The following ERAP1 variants were observed in gnomAD, a reference collection of about 807,000 sequenced individuals.
The protein encoded by ERAP1 is adipocyte-derived leucine aminopeptidase.
Under a neutral mutation model 103.7 loss-of-function variants are expected in ERAP1, and 86 were observed. The observed-to-expected ratio is 0.83, with a 90% CI of 0.70 to 0.99. The LOEUF is 0.99. Among genes scored for constraint, ERAP1 ranks in the 50% least tolerant of loss-of-function variants. ERAP1 has a pLI of 0.00. For synonymous variants in ERAP1, 398 were observed against 402.4 expected (o/e 0.99, Z 0.13); for missense variants, 1,009 against 1,128.4 (o/e 0.89, Z 1.52).
the ERAP1 span, among the ~76,000 whole-genome samples, chr5:96,837,559 T>A: frequency 2.0e-5 from 3 of 152,114 alleles, no homozygotes; most frequent in Non-Finnish European, 1.5e-5. Context: ...GCGAGTGCCT[T>A]TGGGCGCCAC....
intron 10 of ERAP1, 81 bp from the exon 11 acceptor site, chr5:96,788,766 A>G (rs974887115): frequency 1.9e-5 from 29 of 1,544,686 alleles, no homozygotes; most frequent in South Asian, 1.6e-4. Flanking sequence ...TTATGCTCAA[A>G]CAGCCGCTAC....
At chr5:96,790,184 A>G (rs1776563535) in intron 10 of ERAP1, 112 bp downstream of exon 10, 1 of 883,066 alleles carries the variant, frequency 1.1e-6, no homozygotes, top group Non-Finnish European at 1.9e-6. Flanking sequence ...TCTTATCTGG[A>G]ATGAGGGTGA....
chr5:96,901,042 G>A, the ERAP1 span, among the ~76,000 whole-genome samples: 1 of 152,114 alleles, frequency 6.6e-6, no homozygotes, highest in African/African-American at 2.4e-5. Context: ...GCAGCCAGAG[G>A]TTTTGTTCTC....
chr5:96,784,383 G>A (rs1775694737), intron 13 of ERAP1, among the ~76,000 whole-genome samples: 1 of 152,162 alleles, frequency 6.6e-6, no homozygotes, highest in Non-Finnish European at 1.5e-5. Context: ...GTATGTGGGA[G>A]GCTGAGGCCG....
intron 19 of ERAP1, among the ~76,000 whole-genome samples, chr5:96,766,633 C>T (rs1404834161): frequency 6.6e-6 from 1 of 152,206 alleles, no homozygotes; most frequent in African/African-American, 2.4e-5. Flanking sequence ...TTCCCAATCA[C>T]AAATCCTGTT....
the ERAP1 span, chr5:96,901,584 G>C: frequency 2.5e-6 from 4 of 1,614,114 alleles, no homozygotes; most frequent in Non-Finnish European, 3.4e-6. Context: ...CCCCCTGCTG[G>C]TGGTTAAACA....
the ERAP1 span, among the ~76,000 whole-genome samples, chr5:96,851,733 G>C: frequency 1.3e-5 from 2 of 152,136 alleles, no homozygotes; most frequent in African/African-American, 2.4e-5. Flanking sequence ...TCTATGACAG[G>C]CTATTCCTAT....
At chr5:96,840,712 CTT>C in the ERAP1 span, among the ~76,000 whole-genome samples, 33 of 140,672 alleles carry the variant, frequency 2.3e-4, no homozygotes, top group South Asian at 2.3e-4. Flanking sequence ...TTCTTTTTTT[CTT>C]TTTTTTTTTT....
At chr5:96,933,918 G>A in the ERAP1 span, among the ~76,000 whole-genome samples, 2 of 152,234 alleles carry the variant, frequency 1.3e-5, no homozygotes, top group Non-Finnish European at 2.9e-5. Context: ...CTAGGGGCCA[G>A]CCTAACGGTT....
the ERAP1 span, among the ~76,000 whole-genome samples, chr5:96,877,862 A>T: frequency 8.0e-6 from 1 of 124,480 alleles, no homozygotes; most frequent in Non-Finnish European, 1.7e-5. Flanking sequence ...AGTATCTTTA[A>T]TATTATTTTA....
chr5:96,909,249 A>T, the ERAP1 span: 1 of 797,472 alleles, frequency 1.3e-6, no homozygotes. Flanking sequence ...GATAGCATGT[A>T]ATGGTCAATG....
At chr5:96,826,597 A>T in the ERAP1 span, among the ~76,000 whole-genome samples, 334 of 152,316 alleles carry the variant, frequency 2.2e-3, no homozygotes, top group Non-Finnish European at 2.7e-3. Context: ...GAATTTAGCC[A>T]TCCAGGTTCA....
the ERAP1 span, among the ~76,000 whole-genome samples, chr5:96,904,779 GT>G: frequency 6.6e-6 from 1 of 152,136 alleles, no homozygotes; most frequent in Non-Finnish European, 1.5e-5. Context: ...CTTTTTTGCT[GT>G]TTCTAGCCTA....
At chr5:96,876,663 T>A in the ERAP1 span, 1 of 152,298 alleles carries the variant, frequency 6.6e-6, no homozygotes, top group Non-Finnish European at 1.5e-5. Context: ...CTGGGGTGAA[T>A]TGGGCGCGGC....
chr5:96,781,146 G>T lies in ERAP1; in HGVS notation c.2500C>A (p.Gln834Lys). Residue 834 changes from glutamine to lysine, a missense_variant, in exon 17 of 19, where the codon CAA becomes AAA. Gln to Lys is a moderately conservative substitution (Grantham distance 53). Around this residue, in one of 3 missense-constraint regions of ERAP1, gnomAD observed 611 missense variants for 651.7 expected, o/e 0.94. Coordinates refer to ENST00000443439, the MANE Select transcript of ERAP1 (RefSeq NM_001040458.3). ...TTCCTGCCAATGAGTGTAAGAATTT[G>T]TGGAAACTCCTGAGTTTTTATTTTA... is the stretch of plus-strand genomic sequence containing the variant. The part of the protein sequence containing the change: ...GDKIKTQEFP[Q>K]ILTLIGRNPV... 6.2e-7 allele frequency: 1 copy of T among 1,613,290 alleles called. No individual in the cohort carries two copies. The highest frequency in any genetic ancestry group is 8.5e-7 in the Non-Finnish European group (1 of 1,179,838).
At chr5:96,817,692 C>T in the ERAP1 span, among the ~76,000 whole-genome samples, 1 of 152,222 alleles carries the variant, frequency 6.6e-6, no homozygotes, top group Non-Finnish European at 1.5e-5. Context: ...TGCCATGATC[C>T]AGGAGCCATC....
At chr5:96,904,510 C>A in the ERAP1 span, among the ~76,000 whole-genome samples, 6,309 of 152,200 alleles carry the variant, frequency 0.041, 255 homozygotes, top group East Asian at 0.13. Context: ...GAGGCTTAAT[C>A]CTCAGTCCCG....
chr5:96,871,006 A>C, the ERAP1 span, among the ~76,000 whole-genome samples: 4 of 152,168 alleles, frequency 2.6e-5, no homozygotes, highest in African/African-American at 9.7e-5. Flanking sequence ...TCATGTGCAT[A>C]TTGATCATTG....
the ERAP1 span, among the ~76,000 whole-genome samples, chr5:96,883,144 T>A: frequency 6.6e-6 from 1 of 152,096 alleles, no homozygotes; most frequent in African/African-American, 2.4e-5. Flanking sequence ...AATATGAAAG[T>A]CCAGCTCCTT....
Sources: allele counts gnomAD v4.1 joint callset (sites outside exome capture counted in the v4.1 genomes callset), GRCh38; gene constraint gnomAD v4.1.1; regional missense constraint gnomAD v4.1.1; transcripts MANE v1.5; gene names NCBI Gene and HGNC (gene_info 2026-07-23, HGNC 2026-07-21).